TTC14: variants seen among roughly 807,000 people sequenced by gnomAD.
TTC14 encodes the protein tetratricopeptide repeat protein 14.
A neutral mutation model predicts 79.9 loss-of-function variants in TTC14; 63 were observed. The ratio of observed to expected loss-of-function variants is 0.79; its 90% CI spans 0.64 to 0.97. The LOEUF (loss-of-function observed/expected upper bound fraction) is 0.97. Ranked by LOEUF, TTC14 falls within the 50% of genes least tolerant of loss-of-function variation. TTC14 has a pLI of 0.00. For missense variants in TTC14, 895 were observed against 894.0 expected (o/e 1.00, Z -0.01); for synonymous variants, 335 against 309.6 (o/e 1.08, Z -0.86).
rs779516663 is a variant in TTC14, at chr3:180,606,464, T to C, written c.1050-17T>C. The C allele has an allele frequency of 6.2e-7, 1 of 1,613,256 alleles. No homozygotes were observed. Among genetic ancestry groups the C allele is most frequent in the African/African-American group, 1.3e-5 (1 of 74,820 alleles). ...GCTTGTGAGATACAGCCCTCTATCT[T>C]TGTTTCATGTCTCTAGATATGCGAC... On this transcript the variant is annotated splice_polypyrimidine_tract_variant and intron_variant, in intron 8 of 11. Coordinates refer to ENST00000296015, the MANE Select transcript of TTC14 (RefSeq NM_133462.4).
rs762212682 is a variant in TTC14, at chr3:180,606,260, A to G, written c.937A>G (p.Ile313Val). Residue 313 changes from isoleucine to valine, a missense_variant, in exon 8 of 12, where the codon ATC becomes GTC. Physicochemically the swap from Ile to Val is conservative, Grantham distance 29. Transcript: ENST00000296015. ...TACAAATGTCTTTTTTAGTGTGAAG[A>G]TCGGAGTTGACTATTTTAAAGTTGG... ...SASWALKCVK[I>V]GVDYFKVGRH... 2 of 1,614,040 alleles carry G rather than the reference A, an allele frequency of 1.2e-6. No homozygotes were observed. The highest frequency in any genetic ancestry group is 3.3e-5 in the Admixed American group (2 of 60,004).
At chr3:180,608,394 CTT>C (rs34053470) in intron 10 of TTC14, 634 of 911,752 alleles carry the variant, frequency 7.0e-4, no homozygotes, top group South Asian at 7.6e-4. Flanking sequence ...TTTTTATGTA[CTT>C]TTTTTTTTTT....
chr3:180,616,989 T>A (rs1361881561), intron 12 of TTC14: 6 of 1,193,946 alleles, frequency 5.0e-6, no homozygotes, highest in Non-Finnish European at 6.9e-6. Flanking sequence ...TATTAACATG[T>A]ATTTTTTAGA....
rs1381559408 is a variant in TTC14 at position 180,604,258 on chromosome 3, A to G, written c.520A>G (p.Ser174Gly). Residue 174 changes from serine (S) to glycine (G), a missense_variant, in exon 4 of 12, where the codon AGT (serine) becomes GGT (glycine). Transcript: ENST00000296015. The part of the protein sequence containing the change: ...LCPLRDVPSH[S>G]NHGDPLSYYQ... ...TCCCTTAAGAGATGTGCCTTCTCACAGTAACCATGGGGATCCTTTATCATA... is the reference window on the plus strand; with the variant it reads ...TCCCTTAAGAGATGTGCCTTCTCACGGTAACCATGGGGATCCTTTATCATA... 1 of 1,613,642 alleles carries G rather than the reference A, an allele frequency of 6.2e-7. No individual in the cohort carries two copies. The highest frequency in any genetic ancestry group is 1.1e-5 in the South Asian group (1 of 91,042).
chr3:180,610,976 A>G lies in TTC14; in HGVS notation c.*434A>G. The G allele has an allele frequency of 1.1e-6, 1 of 951,448 alleles. No individual in the cohort carries two copies. Among genetic ancestry groups the G allele is most frequent in the Non-Finnish European group, 1.3e-6 (1 of 799,060 alleles). 58.9% of individuals were successfully genotyped at this position (951,448 alleles called of 1,614,324 possible). On this transcript the variant is annotated 3_prime_UTR_variant, in exon 12 of 12. Transcript: ENST00000296015. ...ATTAAAAATCGTCAGCTTTTGAAAG[A>G]TTATATGTTCGAATGTTTCTTGAAC...
Position 180,610,103 on chromosome 3 carries a change from G to A in TTC14, c.1874G>A (p.Ser625Asn). ...TATAAATCAGAAAGACATTTTTCCA[G>A]TAGAAGAAATTCCTCAGATTCCTTC... ...KPYKSERHFS[S>N]RRNSSDSFCR... The change falls in exon 12 of 12, where the codon AGT (serine) becomes AAT (asparagine). Residue 625 changes from serine to asparagine, a missense_variant. Physicochemically the swap from Ser to Asn is conservative, Grantham distance 46. Coordinates refer to ENST00000296015, the MANE Select transcript of TTC14 (RefSeq NM_133462.4). The A allele has an allele frequency of 6.2e-7, 1 of 1,613,174 alleles. No homozygotes were observed. The highest frequency in any genetic ancestry group is 8.5e-7 in the Non-Finnish European group (1 of 1,179,780).
At chr3:180,603,537 G>A in intron 3 of TTC14, 2 of 537,422 alleles carry the variant, frequency 3.7e-6, no homozygotes, top group South Asian at 4.1e-5. Flanking sequence ...AATTTAAACT[G>A]GTTGGCAGGC....
In TTC14 at chr3:180,611,033, T is replaced by G. The variant is rs1182167669; in HGVS notation, c.*491T>G. The G allele has an allele frequency of 2.1e-6, 2 of 946,182 alleles. No homozygotes were observed. The highest frequency in any genetic ancestry group is 2.3e-4 in the East Asian group (2 of 8,604). The allele number at this position is 946,182 out of a possible 1,614,324, so 58.6% of individuals were successfully genotyped here. A position where few individuals can be genotyped will look rare whatever the true frequency, so the allele number is the denominator to read the frequency against. On this transcript the variant is annotated 3_prime_UTR_variant, in exon 12 of 12. Coordinates refer to ENST00000296015, the MANE Select transcript of TTC14 (RefSeq NM_133462.4). ...ATATTTATCAGTTTAAATATTACAT[T>G]TTTTGCCCAATTTTTTTTAAAATTT...
intron 11 of TTC14, chr3:180,609,031 T>A: frequency 9.7e-7 from 1 of 1,026,716 alleles, no homozygotes; most frequent in Non-Finnish European, 1.2e-6. Flanking sequence ...ATCTTAGAAT[T>A]AAAATATAGA....
intron 10 of TTC14, 122 bp from the exon 11 acceptor site, chr3:180,608,579 C>G: frequency 7.5e-7 from 1 of 1,331,156 alleles, no homozygotes; most frequent in Non-Finnish European, 9.7e-7. Flanking sequence ...TTAATGCTGG[C>G]TCTATGGTGA....
At position 180,617,529 on chromosome 3, in the gene TTC14, G is replaced by T. The variant is rs563350598; in HGVS notation, c.1924G>T (p.Val642Leu). 4.2e-5 allele frequency: 27 copies of T among 637,628 alleles called. No individual in the cohort carries two copies. In the South Asian group the frequency reaches 4.5e-4, roughly 11 times the overall value. The allele number at this position is 637,628 out of a possible 1,614,324, so 39.5% of individuals were successfully genotyped here. Residue 642 changes from valine to leucine, a missense_variant, in exon 13 of 13, where the codon GTG becomes TTG. Transcript: ENST00000382584. ...CCTTCAAGTGGGACAAGATATGGAGGTGGAAGACAGTGGTATTGATGATCC... is the reference window on the plus strand; with the variant it reads ...CCTTCAAGTGGGACAAGATATGGAGTTGGAAGACAGTGGTATTGATGATCC...
At chr3:180,603,369 A>C (rs1716493161) in intron 3 of TTC14, 46 bp downstream of exon 3, 2 of 1,485,050 alleles carry the variant, frequency 1.3e-6, no homozygotes, top group East Asian at 4.5e-5. Flanking sequence ...TTGTTAACGC[A>C]TCTCAATGCA....
chr3:180,610,338 C>A lies in TTC14; in HGVS notation c.2109C>A (p.Tyr703Ter), dbSNP rs772897665. ...SRDFSRHEQRYRLNTNQGEYE... is the reference protein window; with the variant it reads ...SRDFSRHEQR ...ATTTCAGTAGACATGAGCAAAGATA[C>A]CGTTTAAATACAAATCAAGGAGAAT... The change falls in exon 12 of 12, where the codon TAC (tyrosine) becomes TAA (stop). Residue 703 changes from tyrosine (Y) to a stop codon, truncating the protein, a stop_gained. Transcript: ENST00000296015. LOFTEE classifies it high-confidence loss of function. The A allele has an allele frequency of 1.9e-6, 3 of 1,612,802 alleles. No homozygotes were observed. In the South Asian group the frequency reaches 3.3e-5, roughly 18 times the overall value.
intron 12 of TTC14, chr3:180,616,479 G>A (rs1444928367): frequency 6.6e-7 from 1 of 1,505,370 alleles, no homozygotes; most frequent in African/African-American, 1.4e-5. Context: ...TTTTCATGAA[G>A]TTTTTAAGAA....
chr3:180,609,157 G>C (rs1716852478), intron 11 of TTC14: 2 of 681,058 alleles, frequency 2.9e-6, no homozygotes, highest in African/African-American at 3.9e-5. Context: ...AGACATTTTT[G>C]ATTGCCATAA....
Position 180,607,694 on chromosome 3 carries a change from A to C in TTC14, c.1219A>C (p.Lys407Gln), listed in dbSNP as rs1027885606. ...KFLNAESYYK[K>Q]ALALDETFKD... The stretch of plus-strand genomic sequence containing the variant: ...TTTAAATGCTGAAAGTTACTATAAG[A>C]AAGCTTTGGCTTTGGATGAGACTTT... Residue 407 changes from lysine (K) to glutamine (Q), a missense_variant, in exon 10 of 12, where the codon AAA becomes CAA. Lys to Gln is a moderately conservative substitution (Grantham distance 53). Transcript: ENST00000296015. 3.7e-6 allele frequency: 6 copies of C among 1,611,392 alleles called. No homozygotes were observed. The highest frequency in any genetic ancestry group is 1.3e-5 in the African/African-American group (1 of 74,948).
chr3:180,604,505 A>G lies in TTC14; in HGVS notation c.599A>G (p.His200Arg), dbSNP rs1479268290. 6.2e-7 allele frequency: 1 copy of G among 1,604,362 alleles called. No homozygotes were observed. Among genetic ancestry groups the G allele is most frequent in the Admixed American group, 1.7e-5 (1 of 58,288 alleles). The stretch of plus-strand genomic sequence containing the variant: ...GGAATCAAGGATATTGACAGATACC[A>G]TGAAAAGCTAGCAGTATCTCTGTAT... ...RAGIKDIDRYHEKLAVSLYSS... is the reference protein window; with the variant it reads ...RAGIKDIDRYREKLAVSLYSS... The change falls in exon 5 of 12, where the codon CAT becomes CGT. Residue 200 changes from histidine to arginine, a missense_variant. Physicochemically the swap from His to Arg is conservative, Grantham distance 29. Coordinates refer to ENST00000296015, the MANE Select transcript of TTC14 (RefSeq NM_133462.4).
chr3:180,610,608 A>G lies in TTC14; in HGVS notation c.*66A>G, dbSNP rs760973471. 27 of 1,499,708 alleles carry G rather than the reference A, an allele frequency of 1.8e-5. No homozygotes were observed. The highest frequency in any genetic ancestry group is 4.2e-5 in the African/African-American group (3 of 71,426). 92.9% of individuals were successfully genotyped at this position (1,499,708 alleles called of 1,614,324 possible). On this transcript the variant is annotated 3_prime_UTR_variant, in exon 12 of 12. Coordinates refer to ENST00000296015, the MANE Select transcript of TTC14 (RefSeq NM_133462.4). ...AGTGAAGTTTTTGGTTGTATTAGTCATAACAGTTGAGTGCAGAAATCTCTG... is the reference window on the plus strand; with the variant it reads ...AGTGAAGTTTTTGGTTGTATTAGTCGTAACAGTTGAGTGCAGAAATCTCTG...
At position 180,603,277 on chromosome 3, in the gene TTC14, G is replaced by C; in HGVS notation, c.440G>C (p.Cys147Ser). ...REFGFFMVLI[C>S]LGSGIMRDIA... The stretch of plus-strand genomic sequence containing the variant: ...TTCGGTTTTTTCATGGTGTTGATCT[G>C]TTTAGGAAGTGGTATCATGAGAGAT... The change falls in exon 3 of 12, where the codon TGT (cysteine) becomes TCT (serine). Residue 147 changes from cysteine (C) to serine (S), a missense_variant. By Grantham distance (112) the Cys-to-Ser change is moderately radical. Coordinates refer to ENST00000296015, the MANE Select transcript of TTC14 (RefSeq NM_133462.4). The C allele has an allele frequency of 6.2e-7, 1 of 1,613,808 alleles. No homozygotes were observed. Among genetic ancestry groups the C allele is most frequent in the South Asian group, 1.1e-5 (1 of 91,064 alleles).
Sources: allele counts gnomAD v4.1 joint callset, GRCh38; gene constraint gnomAD v4.1.1; transcripts MANE v1.5; gene names NCBI Gene and HGNC (gene_info 2026-07-23, HGNC 2026-07-21).